FAT3: variants seen among roughly 807,000 people sequenced by gnomAD.
The protein encoded by FAT3 is protocadherin Fat 3.
A neutral mutation model predicts 310.2 loss-of-function variants in FAT3; 95 were observed. That is an observed-to-expected ratio of 0.31 (90% CI 0.26 to 0.36). FAT3 has a LOEUF of 0.36. Among genes scored for constraint, FAT3 ranks in the 10% least tolerant of loss-of-function variants. FAT3 has a pLI of 1.00. For synonymous variants in FAT3, 2,314 were observed against 2,192.9 expected (o/e 1.06, Z -1.54); for missense variants, 5,408 against 5,715.6 (o/e 0.95, Z 1.74).
intron 7 of FAT3, among the ~76,000 whole-genome samples, chr11:92,781,057 T>G (rs1268664011): frequency 6.7e-6 from 1 of 149,174 alleles, no homozygotes; most frequent in Non-Finnish European, 1.5e-5. Context: ...TAAGGTTCTT[T>G]TTTTTCTTTT....
In FAT3 at chr11:92,722,134, G is replaced by C. The variant is rs1565540548; in HGVS notation, c.3669+24689G>C. Among the ~76,000 whole-genome samples the C allele has an allele frequency of 3.3e-5, 5 of 152,250 alleles. No homozygotes were observed. The East Asian group carries it at 7.7e-4, about 24-fold the overall frequency. On this transcript the variant is annotated intron_variant, in intron 4 of 27. Transcript: ENST00000525166. ...AAGTCCACAGTCCAAGGTCTCATCT[G>C]AAACAAAGCAAGTCCCTTCCACCTA... is the stretch of plus-strand genomic sequence containing the variant.
chr11:92,662,501 T>C (rs886840927), intron 3 of FAT3, among the ~76,000 whole-genome samples: 2 of 152,228 alleles, frequency 1.3e-5, no homozygotes, highest in Admixed American at 1.3e-4. Context: ...GGTTACAGCC[T>C]GGATTTAGCC....
chr11:92,228,044 G>A (rs1267575314), intron 1 of FAT3, among the ~76,000 whole-genome samples: 4 of 152,128 alleles, frequency 2.6e-5, no homozygotes, highest in African/African-American at 9.7e-5. Context: ...TGATGCTGGG[G>A]CCAGTTTCTG....
chr11:92,883,060 A>C lies in FAT3; in HGVS notation c.12604A>C (p.Asn4202His). 6.2e-7 allele frequency: 1 copy of C among 1,613,922 alleles called. No individual in the cohort carries two copies. ...GGACCCGGCCACCGCCGCCCTGCTT[A>C]ACAAGAGCAATGGCATCCCGTTCCG... ...VQDPATAALLNKSNGIPFRNL... is the reference protein window; with the variant it reads ...VQDPATAALLHKSNGIPFRNL... The change falls in exon 24 of 28, where the codon AAC (asparagine) becomes CAC (histidine). Residue 4202 changes from asparagine (N) to histidine (H), a missense_variant. This residue lies in a region of FAT3 where 649 missense variants were observed against 666.2 expected (regional missense o/e 0.97). Coordinates refer to ENST00000525166, the MANE Select transcript of FAT3 (RefSeq NM_001367949.2). This position sits in a 1 kb window ranked among gnomAD's most constrained non-coding sequence, Gnocchi z 4.2.
At chr11:92,461,913 T>C (rs971523833) in intron 2 of FAT3, among the ~76,000 whole-genome samples, 5 of 152,182 alleles carry the variant, frequency 3.3e-5, no homozygotes, top group Non-Finnish European at 7.3e-5. Context: ...CTTTGTTATA[T>C]GTTTGAAGGT....
At chr11:92,584,050 C>T (rs1210696485) in intron 3 of FAT3, among the ~76,000 whole-genome samples, 1 of 152,004 alleles carries the variant, frequency 6.6e-6, no homozygotes, top group Non-Finnish European at 1.5e-5. Flanking sequence ...TTCATAAACT[C>T]AACTCTTCTT....
intron 2 of FAT3, among the ~76,000 whole-genome samples, chr11:92,501,930 C>T (rs1449664666): frequency 2.0e-5 from 3 of 151,902 alleles, no homozygotes; most frequent in Non-Finnish European, 4.4e-5. Flanking sequence ...CTTATGAACT[C>T]GAGGAGTTCA....
At chr11:92,797,251 C>T (rs922449460) in intron 9 of FAT3, among the ~76,000 whole-genome samples, 22 of 152,186 alleles carry the variant, frequency 1.4e-4, no homozygotes, top group Non-Finnish European at 3.1e-4. Flanking sequence ...ACTGAACAAA[C>T]CCCTTCACCA....
intron 1 of FAT3, among the ~76,000 whole-genome samples, chr11:92,226,704 TG>T (rs1306257714): frequency 1.3e-5 from 2 of 151,776 alleles, no homozygotes; most frequent in Admixed American, 1.3e-4. Flanking sequence ...GCCCGGAGCG[TG>T]GGCGGCCGGT....
At chr11:92,588,906 G>A (rs1373992740) in intron 3 of FAT3, among the ~76,000 whole-genome samples, 1 of 148,486 alleles carries the variant, frequency 6.7e-6, no homozygotes, top group East Asian at 2.1e-4. Context: ...ATTAATTAGG[G>A]TAAAAATTAA....
At chr11:92,597,721 C>T (rs1176703816) in intron 3 of FAT3, among the ~76,000 whole-genome samples, 1 of 152,156 alleles carries the variant, frequency 6.6e-6, no homozygotes, top group African/African-American at 2.4e-5. Context: ...GGATGCATGA[C>T]TAGTCTCGAG....
At chr11:92,282,846 A>G (rs139342315) in intron 1 of FAT3, among the ~76,000 whole-genome samples, 7 of 152,160 alleles carry the variant, frequency 4.6e-5, no homozygotes, top group African/African-American at 1.7e-4. Context: ...TATATCACCA[A>G]TTCTGATTTA....
Position 92,840,469 on chromosome 11 carries a change from G to A in FAT3, c.10369-93G>A, listed in dbSNP as rs1369865446. 5 of 1,192,868 alleles carry A rather than the reference G, an allele frequency of 4.2e-6. No homozygotes were observed. The Admixed American group carries it at 1.4e-4, about 33-fold the overall frequency. 73.9% of individuals were successfully genotyped at this position (1,192,868 alleles called of 1,614,324 possible). On this transcript the variant is annotated intron_variant, in intron 17 of 27. Coordinates refer to ENST00000525166, the MANE Select transcript of FAT3 (RefSeq NM_001367949.2). ...TAGCTCAGCACTCTCAGCCTGAAAT[G>A]ATGGTATTTTTGATTTGTTTTGTTT...
intron 3 of FAT3, among the ~76,000 whole-genome samples, chr11:92,569,283 C>T (rs1955586184): frequency 6.6e-6 from 1 of 152,130 alleles, no homozygotes; most frequent in African/African-American, 2.4e-5. Flanking sequence ...TATTTTATAG[C>T]ATTGCTGTGA....
intron 3 of FAT3, among the ~76,000 whole-genome samples, chr11:92,656,141 C>T (rs1035588210): frequency 2.6e-5 from 4 of 152,168 alleles, no homozygotes; most frequent in Non-Finnish European, 4.4e-5. Context: ...AAACTATCGG[C>T]TCTGCTCTTT....
rs184593510 is a variant in FAT3 at position 92,303,517 on chromosome 11, G to C, written c.-17-48579G>C. ...TTGAAAGACTGACTAATCCAGTCTTGATCACTTAAGGATTTGAGGAGTCGA... is the reference window on the plus strand; with the variant it reads ...TTGAAAGACTGACTAATCCAGTCTTCATCACTTAAGGATTTGAGGAGTCGA... On this transcript the variant is annotated intron_variant, in intron 1 of 27. Coordinates refer to ENST00000525166, the MANE Select transcript of FAT3 (RefSeq NM_001367949.2). 2.3e-4 allele frequency among the ~76,000 whole-genome samples: 35 copies of C among 152,180 alleles called. 1 individual carries two copies. Among genetic ancestry groups the C allele is most frequent in the Admixed American group, 2.0e-3 (31 of 15,268 alleles).
At chr11:92,494,618 A>T (rs767201905) in intron 2 of FAT3, among the ~76,000 whole-genome samples, 1 of 152,018 alleles carries the variant, frequency 6.6e-6, no homozygotes, top group Non-Finnish European at 1.5e-5. Flanking sequence ...GTTATCATAC[A>T]TATTATAGAG....
At chr11:92,569,851 C>T (rs146314470) in intron 3 of FAT3, among the ~76,000 whole-genome samples, 3 of 152,262 alleles carry the variant, frequency 2.0e-5, no homozygotes, top group East Asian at 1.9e-4. Context: ...CTCAGTGGCT[C>T]ATCTCAGTAA....
At chr11:92,317,951 G>C (rs1947508627) in intron 1 of FAT3, among the ~76,000 whole-genome samples, 1 of 152,162 alleles carries the variant, frequency 6.6e-6, no homozygotes, top group Non-Finnish European at 1.5e-5. Flanking sequence ...TGACAGGAGG[G>C]AGTTATTCTC....
Sources: allele counts gnomAD v4.1 joint callset (sites outside exome capture counted in the v4.1 genomes callset), GRCh38; gene constraint gnomAD v4.1.1; regional missense constraint gnomAD v4.1.1; non-coding constraint Gnocchi (gnomAD v3.1); transcripts MANE v1.5; gene names NCBI Gene and HGNC (gene_info 2026-07-23, HGNC 2026-07-21).